The following ZBTB38 variants were observed in gnomAD, a reference collection of about 807,000 sequenced individuals.
The protein encoded by ZBTB38 is zinc finger and BTB domain-containing protein 38.
ZBTB38 carries 20 observed loss-of-function variants against 76.8 expected under a neutral mutation model. The ratio of observed to expected loss-of-function variants is 0.26; its 90% CI spans 0.18 to 0.38. The LOEUF (loss-of-function observed/expected upper bound fraction) is 0.38, where lower values mean the gene tolerates loss of function less well. Among genes scored for constraint, ZBTB38 ranks in the 10% least tolerant of loss-of-function variants. The probability of loss-of-function intolerance (pLI) is 1.00; values close to 1 mark genes in which losing one functional copy is unlikely to be tolerated. For missense variants in ZBTB38, 1,082 were observed against 1,482.3 expected, an observed-to-expected ratio of 0.73 and a Z score of 4.43; for synonymous variants, 504 against 544.2, an observed-to-expected ratio of 0.93 and a Z score of 1.03.
intron 5 of ZBTB38, among the ~76,000 whole-genome samples, chr3:141,414,090 A>T (rs750857420): frequency 1.3e-5 from 2 of 152,248 alleles, no homozygotes; most frequent in Non-Finnish European, 2.9e-5. Flanking sequence ...CAAAACCTAC[A>T]TGTGATTTAT....
At chr3:141,339,846 G>C (rs931423681) in intron 1 of ZBTB38, among the ~76,000 whole-genome samples, 3 of 152,168 alleles carry the variant, frequency 2.0e-5, no homozygotes, top group Non-Finnish European at 2.9e-5. Flanking sequence ...AAAGAGTCCG[G>C]GCTAGAGATA....
At chr3:141,356,124 T>C (rs961120602) in intron 1 of ZBTB38, among the ~76,000 whole-genome samples, 4 of 152,000 alleles carry the variant, frequency 2.6e-5, no homozygotes, top group Non-Finnish European at 5.9e-5. Flanking sequence ...ACAAAGGCGA[T>C]GTGGAGCCCT....
Position 141,374,038 on chromosome 3 carries a change from G to T in ZBTB38, c.-235+4092G>T, listed in dbSNP as rs140747518. On this transcript the variant is annotated intron_variant, in intron 2 of 5. Transcript: ENST00000321464. The stretch of plus-strand genomic sequence containing the variant: ...CCAGCTTCTTGGGAGGCTGAGGTAT[G>T]AGAATTGGTTGAACCCAGGAGGCGG... 1.1e-3 allele frequency among the ~76,000 whole-genome samples: 174 copies of T among 152,078 alleles called. 1 individual carries two copies. Among genetic ancestry groups the T allele is most frequent in the Middle Eastern group, 0.01 (3 of 294 alleles).
chr3:141,350,447 A>T (rs1349969323), intron 1 of ZBTB38, among the ~76,000 whole-genome samples: 2 of 152,022 alleles, frequency 1.3e-5, no homozygotes, highest in Non-Finnish European at 1.5e-5. Context: ...CCTCAAGTTT[A>T]TTCAGTCTCC....
chr3:141,436,788 G>A lies in ZBTB38; in HGVS notation c.1-5601G>A, dbSNP rs528412975. Among the ~76,000 whole-genome samples the A allele has an allele frequency of 1.1e-4, 16 of 152,276 alleles. No individual in the cohort carries two copies. The South Asian group carries it at 2.7e-3, about 26-fold the overall frequency. On this transcript the variant is annotated intron_variant, in intron 5 of 5. Coordinates refer to ENST00000321464, the MANE Select transcript of ZBTB38 (RefSeq NM_001376113.1). ...GCTGGGATTACAGGCATGAGCCACC[G>A]CGCCCAGCCAGCTATCTTGATTTTT...
At position 141,358,029 on chromosome 3, in the gene ZBTB38, T is replaced by C. The variant is rs148885861; in HGVS notation, c.-738-10592T>C. Among the ~76,000 whole-genome samples, 15 of 152,330 alleles carry C rather than the reference T, an allele frequency of 9.8e-5. No individual in the cohort carries two copies. In the East Asian group the frequency reaches 2.7e-3, roughly 27 times the overall value. ...TGGGAAGGCTATTATGGTAGCCACA[T>C]AATCCAAATTTTCTAAAGTAGTCCT... On this transcript the variant is annotated intron_variant, in intron 1 of 7. Coordinates refer to the ZBTB38 transcript ENST00000509842.
chr3:141,334,437 C>CTTCT (rs1942951985), intron 1 of ZBTB38, among the ~76,000 whole-genome samples: 96 of 127,026 alleles, frequency 7.6e-4, no homozygotes, highest in African/African-American at 2.9e-3. Context: ...TCCTTCCTTC[C>CTTCT]TTCCTTCTTT....
chr3:141,372,073 T>G (rs1313146662), intron 2 of ZBTB38, among the ~76,000 whole-genome samples: 1 of 152,204 alleles, frequency 6.6e-6, no homozygotes, highest in Non-Finnish European at 1.5e-5. Flanking sequence ...CTGAAGAGCA[T>G]GTATTGTCTG....
chr3:141,363,212 A>G (rs544057899), intron 1 of ZBTB38, among the ~76,000 whole-genome samples: 8 of 152,384 alleles, frequency 5.2e-5, no homozygotes, highest in Admixed American at 2.6e-4. Flanking sequence ...AGACTTGTAC[A>G]CTGAAAACAA....
chr3:141,441,805 A>C, intron 5 of ZBTB38, among the ~76,000 whole-genome samples: 1 of 152,100 alleles, frequency 6.6e-6, no homozygotes, highest in East Asian at 1.9e-4. Flanking sequence ...GGTCCCAGCT[A>C]TTCAGGAAGC....
upstream of ZBTB38, chr3:141,366,910 C>A (rs940517972): frequency 5.3e-5 from 8 of 152,260 alleles, no homozygotes; most frequent in African/African-American, 1.9e-4. Flanking sequence ...CCCAGATACC[C>A]CGATAAGCAG....
At chr3:141,367,816 A>G (rs1441211455), upstream of ZBTB38, 4 of 152,234 alleles carry the variant, frequency 2.6e-5, no homozygotes, top group African/African-American at 9.6e-5. Context: ...TAAGTATTTA[A>G]TATGTGTCCT....
intron 5 of ZBTB38, chr3:141,427,734 A>C (rs2076664616): frequency 6.6e-6 from 1 of 152,430 alleles, no homozygotes; most frequent in African/African-American, 2.4e-5. Flanking sequence ...CACACTCACC[A>C]GTCTCATGCT....
At chr3:141,383,377 C>A (rs1946473217) in intron 3 of ZBTB38, among the ~76,000 whole-genome samples, 1 of 152,042 alleles carries the variant, frequency 6.6e-6, no homozygotes, top group Non-Finnish European at 1.5e-5. Context: ...TTGGTAAACA[C>A]TTTTATTTTT....
intron 5 of ZBTB38, among the ~76,000 whole-genome samples, chr3:141,418,398 A>G (rs570633955): frequency 2.0e-5 from 3 of 152,158 alleles, no homozygotes; most frequent in East Asian, 1.9e-4. Context: ...AATTCTCCCT[A>G]TCCTTCAAGA....
At chr3:141,327,238 C>T (rs1942700731) in intron 1 of ZBTB38, among the ~76,000 whole-genome samples, 1 of 152,142 alleles carries the variant, frequency 6.6e-6, no homozygotes, top group Admixed American at 6.5e-5. Flanking sequence ...ACTCCATACT[C>T]CTTAAGTGTG....
intron 2 of ZBTB38, among the ~76,000 whole-genome samples, chr3:141,374,117 A>G (rs1365382901): frequency 2.8e-5 from 4 of 141,066 alleles, no homozygotes; most frequent in Non-Finnish European, 4.6e-5. Flanking sequence ...GCAACAGAGG[A>G]AAAAAAAAAA....
chr3:141,427,413 C>G (rs2076605351), intron 5 of ZBTB38, among the ~76,000 whole-genome samples: 1 of 152,130 alleles, frequency 6.6e-6, no homozygotes, highest in African/African-American at 2.4e-5. Context: ...GCTGCCCAGG[C>G]TAGAAGGACA....
At chr3:141,397,337 C>T (rs1230173781) in intron 4 of ZBTB38, among the ~76,000 whole-genome samples, 2 of 152,226 alleles carry the variant, frequency 1.3e-5, no homozygotes, top group Non-Finnish European at 2.9e-5. Flanking sequence ...GTTAGGGCCT[C>T]ACTCTGGATT....
Sources: allele counts gnomAD v4.1 joint callset (sites outside exome capture counted in the v4.1 genomes callset), GRCh38; gene constraint gnomAD v4.1.1; transcripts MANE v1.5; gene names NCBI Gene and HGNC (gene_info 2026-07-23, HGNC 2026-07-21).